Variants in RANBP2 observed in about 807,000 individuals in gnomAD.
RANBP2 encodes E3 SUMO-protein ligase RanBP2.
Under a neutral mutation model 303.6 loss-of-function variants are expected in RANBP2, and 57 were observed. The observed-to-expected ratio is 0.19, with a 90% CI of 0.15 to 0.23. RANBP2 has a LOEUF of 0.23. RANBP2 is among the 10% of genes least tolerant of loss of function. RANBP2 has a pLI of 1.00. For missense variants in RANBP2, 3,138 were observed against 3,780.8 expected, an observed-to-expected ratio of 0.83 and a Z score of 4.46; for synonymous variants, 1,167 against 1,301.5, an observed-to-expected ratio of 0.90 and a Z score of 2.23.
At chr2:109,436,960 A>T in the RANBP2 span, 1 of 1,613,868 alleles carries the variant, frequency 6.2e-7, no homozygotes, top group Non-Finnish European at 8.5e-7. Context: ...GGCCAAAGGG[A>T]TAACCACAAC....
At chr2:108,871,272 C>T in the RANBP2 span, among the ~76,000 whole-genome samples, 1 of 150,232 alleles carries the variant, frequency 6.7e-6, no homozygotes, top group Admixed American at 6.7e-5. Flanking sequence ...GTGTCTCATG[C>T]CTGTAATCCC....
chr2:109,158,399 A>G, the RANBP2 span, among the ~76,000 whole-genome samples: 2 of 152,182 alleles, frequency 1.3e-5, no homozygotes, highest in African/African-American at 4.8e-5. Flanking sequence ...AGGAGTCTGC[A>G]TGGCTTGCCT....
At chr2:109,387,860 G>T in the RANBP2 span, among the ~76,000 whole-genome samples, 10 of 87,676 alleles carry the variant, frequency 1.1e-4, no homozygotes, top group East Asian at 2.9e-3. Flanking sequence ...CAGATGGTTG[G>T]GGGGGGGGTC....
chr2:108,858,944 A>C, the RANBP2 span, among the ~76,000 whole-genome samples: 181 of 152,250 alleles, frequency 1.2e-3, no homozygotes, highest in African/African-American at 4.3e-3. Context: ...GGTTGATTCC[A>C]CATCTTTGCT....
At chr2:109,673,940 G>C in the RANBP2 span, among the ~76,000 whole-genome samples, 3 of 151,954 alleles carry the variant, frequency 2.0e-5, no homozygotes, top group Non-Finnish European at 2.9e-5. Context: ...GTTTTAATTT[G>C]CATTTTTCTG....
chr2:109,044,575 T>TA, the RANBP2 span, among the ~76,000 whole-genome samples: 2 of 122,832 alleles, frequency 1.6e-5, no homozygotes, highest in Admixed American at 9.5e-5. Flanking sequence ...CCAATTTCAA[T>TA]AAAAAATATT....
chr2:109,565,109 T>A, the RANBP2 span, among the ~76,000 whole-genome samples: 2 of 152,202 alleles, frequency 1.3e-5, no homozygotes, highest in Admixed American at 6.5e-5. Context: ...TATATTTTAT[T>A]GTGACCAATA....
the RANBP2 span, among the ~76,000 whole-genome samples, chr2:109,385,748 G>A: frequency 9.3e-4 from 142 of 152,330 alleles, no homozygotes; most frequent in Admixed American, 1.6e-3. Flanking sequence ...TGCCAGGGTG[G>A]ACTGTGTTAT....
the RANBP2 span, among the ~76,000 whole-genome samples, chr2:109,166,889 T>C: frequency 6.6e-6 from 1 of 152,242 alleles, no homozygotes; most frequent in African/African-American, 2.4e-5. Flanking sequence ...ACTTAGGGCT[T>C]ACTACTTTAA....
At chr2:109,108,608 C>T in the RANBP2 span, among the ~76,000 whole-genome samples, 1 of 152,182 alleles carries the variant, frequency 6.6e-6, no homozygotes, top group South Asian at 2.1e-4. Flanking sequence ...CCAAAGTGTG[C>T]TCACGTTTCT....
chr2:109,297,036 T>A, the RANBP2 span, among the ~76,000 whole-genome samples: 1 of 151,906 alleles, frequency 6.6e-6, no homozygotes, highest in South Asian at 2.1e-4. Context: ...TGCCTGGCCC[T>A]GGGTATTTGG....
chr2:109,567,889 C>G, the RANBP2 span: 8 of 1,614,004 alleles, frequency 5.0e-6, no homozygotes, highest in Non-Finnish European at 6.8e-6. Context: ...CCATTGCTGA[C>G]CAATTCACTC....
At chr2:109,202,088 C>G in the RANBP2 span, among the ~76,000 whole-genome samples, 1 of 152,234 alleles carries the variant, frequency 6.6e-6, no homozygotes, top group South Asian at 2.1e-4. Context: ...GGCACACAGC[C>G]TCCCCTCGAG....
chr2:109,160,052 G>A, the RANBP2 span, among the ~76,000 whole-genome samples: 5 of 152,220 alleles, frequency 3.3e-5, no homozygotes, highest in Admixed American at 2.6e-4. Flanking sequence ...CATCTTCCAT[G>A]AAACCAGTCC....
the RANBP2 span, among the ~76,000 whole-genome samples, chr2:109,693,621 T>G: frequency 6.6e-6 from 1 of 152,240 alleles, no homozygotes; most frequent in Non-Finnish European, 1.5e-5. Context: ...AGACGTGACT[T>G]TCACCTTCTG....
At chr2:108,814,133 C>T in the RANBP2 span, among the ~76,000 whole-genome samples, 2 of 152,016 alleles carry the variant, frequency 1.3e-5, no homozygotes, top group Non-Finnish European at 2.9e-5. Context: ...GTCATAAGGT[C>T]GATAAAGGTA....
At chr2:109,658,510 G>A in the RANBP2 span, among the ~76,000 whole-genome samples, 7 of 152,208 alleles carry the variant, frequency 4.6e-5, no homozygotes, top group East Asian at 5.8e-4. Context: ...CAGACACCAC[G>A]ATATCTAGAG....
chr2:108,736,281 T>G (rs369937344), intron 6 of RANBP2, 32 bp downstream of exon 6: 1 of 1,611,944 alleles, frequency 6.2e-7, no homozygotes, highest in Non-Finnish European at 8.5e-7. Flanking sequence ...TGCTTTAGTA[T>G]AAATTGCAGT....
the RANBP2 span, among the ~76,000 whole-genome samples, chr2:109,079,727 G>A: frequency 6.6e-6 from 1 of 152,176 alleles, no homozygotes; most frequent in African/African-American, 2.4e-5. Context: ...TAACACTCAA[G>A]GCCTGGTGGA....
Sources: gnomAD v4.1 joint callset for allele counts (sites outside exome capture counted in the v4.1 genomes callset) on GRCh38, gnomAD v4.1.1 for gene constraint, MANE v1.5 for transcripts, NCBI Gene and HGNC (gene_info 2026-07-23, HGNC 2026-07-21) for gene names.